Variants in ARFGEF2 observed in about 807,000 individuals in gnomAD.
ARFGEF2 encodes brefeldin A-inhibited guanine nucleotide-exchange protein 2.
ARFGEF2 carries 74 observed loss-of-function variants against 219.9 expected under a neutral mutation model. The observed-to-expected ratio is 0.34, with a 90% CI of 0.28 to 0.41. The LOEUF (loss-of-function observed/expected upper bound fraction) is 0.41, where lower values mean the gene tolerates loss of function less well. ARFGEF2 is among the 10% of genes least tolerant of loss of function. ARFGEF2 has a pLI of 1.00. For synonymous variants in ARFGEF2, 733 were observed against 799.2 expected, an observed-to-expected ratio of 0.92 and a Z score of 1.40; for missense variants, 1,743 against 2,218.3, an observed-to-expected ratio of 0.79 and a Z score of 4.30.
intron 1 of ARFGEF2, among the ~76,000 whole-genome samples, chr20:48,938,967 G>GTTTTTTTTTTTTTTTTTTT (rs199950635): frequency 7.0e-6 from 1 of 143,112 alleles, no homozygotes; most frequent in Non-Finnish European, 1.5e-5. Flanking sequence ...TGTTTTATGG[G>GTTTTTTTTTTTTTTTTTTT]TTTTTTTTGT....
chr20:48,944,491 C>T (rs2091013771), intron 3 of ARFGEF2, among the ~76,000 whole-genome samples: 1 of 152,042 alleles, frequency 6.6e-6, no homozygotes, highest in Non-Finnish European at 1.5e-5. Flanking sequence ...CCAGCCTAGT[C>T]CAAGGTAGGC....
At chr20:49,011,824 CTGATG>C in intron 27 of ARFGEF2, 95 bp from the exon 28 acceptor site, 8 of 1,281,438 alleles carry the variant, frequency 6.2e-6, no homozygotes, top group Non-Finnish European at 9.0e-6. Context: ...TTAATTATCT[CTGATG>C]TATGTGTGTG....
In ARFGEF2 at chr20:49,007,340, A is replaced by C. The variant is rs560753748; in HGVS notation, c.3584+2119A>C. Among the ~76,000 whole-genome samples, 124 of 137,766 alleles carry C rather than the reference A, an allele frequency of 9.0e-4. 2 individuals carry two copies. Among genetic ancestry groups the C allele is most frequent in the African/African-American group, 3.5e-3 (123 of 35,482 alleles). 90.4% of individuals were successfully genotyped at this position (137,766 alleles called of 152,430 possible). A position where few individuals can be genotyped will look rare whatever the true frequency, so the allele number is the denominator to read the frequency against. ...GTTTTGCTCTTTTTGCCGAGGCTGG[A>C]GTGTAATGGTATGATCTCAGCTTAC... On this transcript the variant is annotated intron_variant, in intron 26 of 38. Coordinates refer to ENST00000371917, the MANE Select transcript of ARFGEF2 (RefSeq NM_006420.3).
intron 16 of ARFGEF2, among the ~76,000 whole-genome samples, chr20:48,987,834 C>T (rs999117932): frequency 6.6e-6 from 1 of 152,220 alleles, no homozygotes; most frequent in Admixed American, 6.5e-5. Flanking sequence ...GTCACCCAGG[C>T]TGGAGTGCAG....
Position 48,951,359 on chromosome 20 carries a change from C to G in ARFGEF2, c.313C>G (p.Pro105Ala). 1 of 1,614,190 alleles carries G rather than the reference C, an allele frequency of 6.2e-7. No homozygotes were observed. The highest frequency in any genetic ancestry group is 2.2e-5 in the East Asian group (1 of 44,888). Reference protein sequence around the residue: ...IAYGHITGNAPDSGAPGKRLI... With the variant: ...IAYGHITGNAADSGAPGKRLI... ...ATACGGGCACATCACTGGCAACGCC[C>G]CTGACAGTGGAGCCCCTGGGAAGCG... is the stretch of plus-strand genomic sequence containing the variant. Residue 105 changes from proline to alanine, a missense_variant, in exon 4 of 39, where the codon CCT becomes GCT. Pro to Ala is a conservative substitution (Grantham distance 27). Around this residue, in one of 5 missense-constraint regions of ARFGEF2, gnomAD observed 394 missense variants for 426.6 expected, o/e 0.92. Coordinates refer to ENST00000371917, the MANE Select transcript of ARFGEF2 (RefSeq NM_006420.3).
intron 1 of ARFGEF2, 146 bp downstream of exon 1, chr20:48,922,156 C>G (rs989279985): frequency 1.5e-6 from 2 of 1,320,902 alleles, no homozygotes; most frequent in South Asian, 1.5e-5. Flanking sequence ...CATTATACCC[C>G]CGGAGGAAGT....
intron 9 of ARFGEF2, among the ~76,000 whole-genome samples, chr20:48,969,863 A>G (rs957946847): frequency 1.3e-5 from 2 of 152,238 alleles, no homozygotes; most frequent in Admixed American, 6.5e-5. Context: ...AAATGGGAAT[A>G]TGGAAAATCA....
intron 36 of ARFGEF2, among the ~76,000 whole-genome samples, chr20:49,026,064 G>T (rs992073235): frequency 2.6e-5 from 4 of 152,108 alleles, no homozygotes; most frequent in African/African-American, 9.7e-5. Flanking sequence ...GCTGGGTGCG[G>T]TGGCTCACGC....
rs770578384 is a variant in ARFGEF2 at position 48,985,590 on chromosome 20, A to G, written c.2253A>G (p.Ala751=). 117 of 1,614,122 alleles carry G rather than the reference A, an allele frequency of 7.2e-5. No homozygotes were observed. The highest frequency in any genetic ancestry group is 9.4e-5 in the Non-Finnish European group (111 of 1,180,054). The change falls in exon 16 of 39, where the codon GCA becomes GCG. Residue 751 remains alanine (A), a synonymous_variant. Coordinates refer to ENST00000371917, the MANE Select transcript of ARFGEF2 (RefSeq NM_006420.3). ...ACCGATTAATGGAGAAGTTTGCCGC[A>G]AGATACATAGAATGCAACCAAGGGT... ...KIDRLMEKFA[A]RYIECNQGQT... is the part of the protein sequence containing the mutation.
chr20:48,950,847 T>C (rs1315068043), intron 3 of ARFGEF2, among the ~76,000 whole-genome samples: 9 of 119,378 alleles, frequency 7.5e-5, no homozygotes, highest in Non-Finnish European at 5.4e-5. Context: ...TATATATATA[T>C]GTATGTATAT....
chr20:48,938,486 A>G (rs2090973946), intron 1 of ARFGEF2, among the ~76,000 whole-genome samples: 1 of 152,178 alleles, frequency 6.6e-6, no homozygotes, highest in South Asian at 2.1e-4. Flanking sequence ...AGGTGCATTG[A>G]TAATTGGATG....
chr20:48,970,680 C>T (rs1166701394), intron 9 of ARFGEF2, among the ~76,000 whole-genome samples: 1 of 151,658 alleles, frequency 6.6e-6, no homozygotes, highest in African/African-American at 2.4e-5. Context: ...GAAAATGTAC[C>T]ATTTCTTACC....
At chr20:49,019,218 A>G (rs1305318408) in intron 34 of ARFGEF2, among the ~76,000 whole-genome samples, 2 of 152,230 alleles carry the variant, frequency 1.3e-5, no homozygotes, top group East Asian at 3.8e-4. Flanking sequence ...ATATACATAC[A>G]TATATAGTAC....
chr20:48,930,710 G>A (rs2090907951), intron 1 of ARFGEF2, among the ~76,000 whole-genome samples: 1 of 152,192 alleles, frequency 6.6e-6, no homozygotes, highest in African/African-American at 2.4e-5. Flanking sequence ...GAAATGGGAA[G>A]TGGCCAGTTG....
At chr20:48,956,502 A>G (rs975212520) in intron 6 of ARFGEF2, among the ~76,000 whole-genome samples, 1 of 152,218 alleles carries the variant, frequency 6.6e-6, no homozygotes, top group Non-Finnish European at 1.5e-5. Context: ...AGCATCAGAC[A>G]TCAGTGTGTG....
At chr20:49,025,186 G>A in intron 35 of ARFGEF2, 127 bp from the exon 36 acceptor site, 1 of 950,678 alleles carries the variant, frequency 1.1e-6, no homozygotes, top group Admixed American at 2.0e-5. Flanking sequence ...CAGGGTGTTG[G>A]GGAATAAGTG....
chr20:48,998,283 C>G (rs372432941), intron 24 of ARFGEF2, 50 bp downstream of exon 24: 3 of 1,613,988 alleles, frequency 1.9e-6, no homozygotes, highest in Non-Finnish European at 2.5e-6. Context: ...ACGCTGTGAC[C>G]GTCTGACTGT....
At position 49,017,537 on chromosome 20, in the gene ARFGEF2, C is replaced by A; in HGVS notation, c.4496C>A (p.Ser1499Ter). 1 of 1,613,946 alleles carries A rather than the reference C, an allele frequency of 6.2e-7. No homozygotes were observed. Among genetic ancestry groups the A allele is most frequent in the Non-Finnish European group, 8.5e-7 (1 of 1,179,980 alleles). The change falls in exon 33 of 39, where the codon TCA (serine) becomes TAA (stop). Residue 1499 changes from serine to a stop codon, truncating the protein, a stop_gained. Coordinates refer to ENST00000371917, the MANE Select transcript of ARFGEF2 (RefSeq NM_006420.3). LOFTEE classifies it high-confidence loss of function. ...WRPVGMEEDS[S>*]EKHLDVDLDR... ...CCTGTAGGAATGGAGGAAGATTCATCAGAAAAGCATTTGGTAGGATTTGGG... is the reference window on the plus strand; with the variant it reads ...CCTGTAGGAATGGAGGAAGATTCATAAGAAAAGCATTTGGTAGGATTTGGG...
intron 25 of ARFGEF2, among the ~76,000 whole-genome samples, chr20:49,004,819 G>A (rs1480762878): frequency 6.6e-6 from 1 of 151,924 alleles, no homozygotes; most frequent in Non-Finnish European, 1.5e-5. Context: ...ATAATAAAAT[G>A]AAATTTAAAA....
Sources: gnomAD v4.1 joint callset for allele counts (sites outside exome capture counted in the v4.1 genomes callset) on GRCh38, gnomAD v4.1.1 for gene constraint, gnomAD v4.1.1 regional missense constraint, MANE v1.5 for transcripts, NCBI Gene and HGNC (gene_info 2026-07-23, HGNC 2026-07-21) for gene names.